The following GRM5 variants were observed in gnomAD, a reference collection of about 807,000 sequenced individuals.
GRM5 encodes metabotropic glutamate receptor 5.
In GRM5, 19 loss-of-function variants were observed where a neutral mutation model predicts 83.1. That is an observed-to-expected ratio of 0.23 (90% CI 0.16 to 0.34). The LOEUF (loss-of-function observed/expected upper bound fraction) is 0.34, where lower values mean the gene tolerates loss of function less well. Ranked by LOEUF, GRM5 falls within the 10% of genes least tolerant of loss-of-function variation. The probability of loss-of-function intolerance (pLI) is 1.00; values close to 1 mark genes in which losing one functional copy is unlikely to be tolerated. For missense variants in GRM5, 1,160 were observed against 1,588.3 expected (o/e 0.73, Z 4.58); for synonymous variants, 675 against 633.6 (o/e 1.07, Z -0.98).
chr11:89,014,450 G>A (rs1940797186), intron 2 of GRM5, among the ~76,000 whole-genome samples: 1 of 151,120 alleles, frequency 6.6e-6, no homozygotes, highest in African/African-American at 2.5e-5. Flanking sequence ...CTAAAGATAG[G>A]GCTGTTTTTT....
Position 88,674,664 on chromosome 11 carries a change from T to G in GRM5, c.912-21261A>C, listed in dbSNP as rs149306599. 1.4e-3 allele frequency among the ~76,000 whole-genome samples: 220 copies of G among 152,006 alleles called. 1 individual carries two copies. Among genetic ancestry groups the G allele is most frequent in the African/African-American group, 5.1e-3 (211 of 41,542 alleles). On this transcript the variant is annotated intron_variant, in intron 3 of 9. Transcript: ENST00000305447. The stretch of plus-strand genomic sequence containing the variant: ...TCTTTCTCACCAGGAATCTGCTCCT[T>G]CCAGAGACAAAGTCATGATGATTCC...
chr11:88,960,729 T>C (rs1243298493), intron 2 of GRM5, among the ~76,000 whole-genome samples: 1 of 152,132 alleles, frequency 6.6e-6, no homozygotes, highest in East Asian at 1.9e-4. Context: ...GCTGGTGACC[T>C]AGTAGAGTTA....
intron 2 of GRM5, among the ~76,000 whole-genome samples, chr11:89,007,907 G>T (rs1373137683): frequency 6.6e-6 from 1 of 152,108 alleles, no homozygotes; most frequent in Non-Finnish European, 1.5e-5. Context: ...GGTGAAAGTG[G>T]CAACCTTTCA....
At chr11:89,020,764 TTA>T (rs1940964372) in intron 2 of GRM5, among the ~76,000 whole-genome samples, 1 of 152,230 alleles carries the variant, frequency 6.6e-6, no homozygotes, top group Non-Finnish European at 1.5e-5. Context: ...TGACATACAT[TTA>T]TGCAATATAT....
chr11:88,890,167 G>A (rs1239760962), intron 2 of GRM5, among the ~76,000 whole-genome samples: 1 of 151,844 alleles, frequency 6.6e-6, no homozygotes, highest in Non-Finnish European at 1.5e-5. Context: ...ACTCCCATGG[G>A]GGATAAAGCT....
chr11:88,630,579 A>ACACT (rs1938937887), intron 4 of GRM5, among the ~76,000 whole-genome samples: 1 of 146,294 alleles, frequency 6.8e-6, no homozygotes, highest in South Asian at 2.1e-4. Context: ...ACACAAACAC[A>ACACT]CACACACACA....
chr11:88,659,503 A>G (rs1190640763), intron 3 of GRM5, among the ~76,000 whole-genome samples: 1 of 152,214 alleles, frequency 6.6e-6, no homozygotes, highest in Non-Finnish European at 1.5e-5. Flanking sequence ...ATTCAAAAAT[A>G]TGAGAGAAAA....
chr11:88,564,469 T>C (rs771175253), intron 8 of GRM5, among the ~76,000 whole-genome samples: 1 of 152,192 alleles, frequency 6.6e-6, no homozygotes, highest in Non-Finnish European at 1.5e-5. Flanking sequence ...TTTATAACTA[T>C]AGTAAAGCAA....
intron 2 of GRM5, among the ~76,000 whole-genome samples, chr11:88,851,255 T>G (rs1013784660): frequency 2.8e-4 from 42 of 152,174 alleles, no homozygotes; most frequent in African/African-American, 1.0e-3. Context: ...ATTCTGAATT[T>G]TCAAAATATT....
intron 2 of GRM5, among the ~76,000 whole-genome samples, chr11:88,888,995 G>T (rs1945092374): frequency 6.6e-6 from 1 of 152,184 alleles, no homozygotes; most frequent in Non-Finnish European, 1.5e-5. Flanking sequence ...TACAATGTTT[G>T]CTGACTTCTT....
At chr11:88,896,951 A>G (rs1945237213) in intron 2 of GRM5, among the ~76,000 whole-genome samples, 1 of 152,008 alleles carries the variant, frequency 6.6e-6, no homozygotes, top group African/African-American at 2.4e-5. Context: ...ATAAAGTGCA[A>G]AATTTGTTAA....
intron 3 of GRM5, among the ~76,000 whole-genome samples, chr11:88,777,126 C>A (rs535174412): frequency 3.9e-5 from 6 of 152,268 alleles, no homozygotes; most frequent in African/African-American, 1.4e-4. Context: ...TTCTTGGAGG[C>A]TTTGTTCATT....
At chr11:88,544,888 G>T (rs900653625) in intron 8 of GRM5, among the ~76,000 whole-genome samples, 1 of 152,192 alleles carries the variant, frequency 6.6e-6, no homozygotes, top group African/African-American at 2.4e-5. Context: ...TTGATAGTTT[G>T]CACATTATAT....
chr11:88,757,989 C>A (rs1942433232), intron 3 of GRM5, among the ~76,000 whole-genome samples: 1 of 152,106 alleles, frequency 6.6e-6, no homozygotes, highest in Non-Finnish European at 1.5e-5. Flanking sequence ...GGAAGCTGAG[C>A]CTTGCCCCAC....
At chr11:88,586,107 T>TACAC (rs140549003) in intron 7 of GRM5, among the ~76,000 whole-genome samples, 17,065 of 150,494 alleles carry the variant, frequency 0.11, 1,213 homozygotes, top group Non-Finnish European at 0.16. Context: ...CATACATGTT[T>TACAC]ACACACACAC....
intron 3 of GRM5, among the ~76,000 whole-genome samples, chr11:88,717,113 G>GA (rs1257857796): frequency 2.6e-5 from 4 of 151,724 alleles, no homozygotes; most frequent in Admixed American, 2.0e-4. Flanking sequence ...TCCTTCTTTA[G>GA]AAAAAAGAAA....
chr11:88,842,191 A>G (rs1767711805), intron 3 of GRM5, among the ~76,000 whole-genome samples: 1 of 152,184 alleles, frequency 6.6e-6, no homozygotes, highest in South Asian at 2.1e-4. Flanking sequence ...TTTATCACAC[A>G]TATTTTCTTA....
intron 2 of GRM5, among the ~76,000 whole-genome samples, chr11:88,944,886 A>G (rs1243724940): frequency 1.3e-5 from 2 of 152,002 alleles, no homozygotes; most frequent in East Asian, 1.9e-4. Flanking sequence ...AGAGAAAAAT[A>G]AAAGGCATCC....
chr11:89,028,302 G>A (rs1417784708), intron 2 of GRM5, among the ~76,000 whole-genome samples: 1 of 152,070 alleles, frequency 6.6e-6, no homozygotes, highest in Non-Finnish European at 1.5e-5. Context: ...ATCAAATTTT[G>A]GCAGACATGG....
Sources: allele counts gnomAD v4.1 joint callset (sites outside exome capture counted in the v4.1 genomes callset), GRCh38; gene constraint gnomAD v4.1.1; transcripts MANE v1.5; gene names NCBI Gene and HGNC (gene_info 2026-07-23, HGNC 2026-07-21).